Variants in AUTS2 observed in about 807,000 individuals in gnomAD.
AUTS2 encodes autism susceptibility gene 2 protein.
AUTS2 carries 17 observed loss-of-function variants against 112.4 expected under a neutral mutation model. The observed-to-expected ratio is 0.15, with a 90% CI of 0.10 to 0.23. The LOEUF (loss-of-function observed/expected upper bound fraction) is 0.23, where lower values mean the gene tolerates loss of function less well. Ranked by LOEUF, AUTS2 falls within the 10% of genes least tolerant of loss-of-function variation. The probability of loss-of-function intolerance (pLI) is 1.00; values close to 1 mark genes in which losing one functional copy is unlikely to be tolerated. For missense variants in AUTS2, 1,510 were observed against 1,701.6 expected, an observed-to-expected ratio of 0.89 and a Z score of 1.98; for synonymous variants, 751 against 702.7, an observed-to-expected ratio of 1.07 and a Z score of -1.09.
At chr7:70,267,375 C>G (rs908785246) in intron 4 of AUTS2, among the ~76,000 whole-genome samples, 23 of 151,524 alleles carry the variant, frequency 1.5e-4, no homozygotes, top group Non-Finnish European at 2.2e-4. Flanking sequence ...CTCCTGAATG[C>G]TGACACCAGA....
At chr7:70,413,641 A>G (rs1794868689) in intron 4 of AUTS2, among the ~76,000 whole-genome samples, 1 of 151,784 alleles carries the variant, frequency 6.6e-6, no homozygotes, top group Non-Finnish European at 1.5e-5. Context: ...TCCTCCTTAG[A>G]GTTACCTAAG....
intron 5 of AUTS2, among the ~76,000 whole-genome samples, chr7:70,629,043 C>T (rs1009739686): frequency 2.8e-4 from 42 of 152,102 alleles, no homozygotes; most frequent in Admixed American, 2.4e-3. Context: ...ATATCCATCG[C>T]GGGGCAGTCG....
intron 1 of AUTS2, among the ~76,000 whole-genome samples, chr7:69,814,028 A>G (rs1309939163): frequency 6.6e-6 from 1 of 152,226 alleles, no homozygotes; most frequent in South Asian, 2.1e-4. Context: ...CTTGCCAGCA[A>G]GTGTGGTATT....
chr7:69,740,215 G>A (rs1459215665), intron 1 of AUTS2, among the ~76,000 whole-genome samples: 4 of 151,358 alleles, frequency 2.6e-5, no homozygotes, highest in African/African-American at 7.4e-5. Flanking sequence ...TCGATGTTCT[G>A]TGGACATGAT....
chr7:70,611,494 C>T (rs1395340280), intron 5 of AUTS2, among the ~76,000 whole-genome samples: 4 of 152,162 alleles, frequency 2.6e-5, no homozygotes, highest in East Asian at 1.9e-4. Context: ...GGCTGCCTAC[C>T]GTGGGGCTTT....
rs28660526 is a variant in AUTS2 at position 70,781,840 on chromosome 7, G to A, written c.2146+84G>A. The A allele has an allele frequency of 3.8e-3, 5,770 of 1,524,032 alleles. 145 individuals are homozygous for A. In the African/African-American group the frequency reaches 0.062, roughly 16 times the overall value. 94.4% of individuals were successfully genotyped at this position (1,524,032 alleles called of 1,614,324 possible). On this transcript the variant is annotated intron_variant, in intron 15 of 18. Coordinates refer to ENST00000342771, the MANE Select transcript of AUTS2 (RefSeq NM_015570.4). ...ATAAATGAGGTTTGGGCTCTGAGCT[G>A]CCGCTCAGTCACCACCTACAAAAAT...
At chr7:70,418,752 G>A (rs1192796273) in intron 4 of AUTS2, among the ~76,000 whole-genome samples, 1 of 149,066 alleles carries the variant, frequency 6.7e-6, no homozygotes, top group Non-Finnish European at 1.5e-5. Flanking sequence ...ATATGTAATC[G>A]TTAAAGATCA....
chr7:70,595,984 C>T (rs993843333), intron 5 of AUTS2: 6 of 152,200 alleles, frequency 3.9e-5, no homozygotes, highest in Non-Finnish European at 8.8e-5. Context: ...TTTGCCTGCG[C>T]GCTTTGCCGC....
chr7:70,204,942 A>G (rs1810492464), intron 4 of AUTS2, among the ~76,000 whole-genome samples: 1 of 152,122 alleles, frequency 6.6e-6, no homozygotes, highest in Non-Finnish European at 1.5e-5. Flanking sequence ...TTTGGTCTAT[A>G]GGGAAAAAAA....
At chr7:70,208,723 T>C (rs1258997709) in intron 4 of AUTS2, among the ~76,000 whole-genome samples, 1 of 151,488 alleles carries the variant, frequency 6.6e-6, no homozygotes, top group East Asian at 1.9e-4. Flanking sequence ...AGATGGGTGG[T>C]GAGGATGTGA....
intron 6 of AUTS2, among the ~76,000 whole-genome samples, chr7:70,751,419 T>C (rs1788839447): frequency 6.6e-6 from 1 of 152,248 alleles, no homozygotes; most frequent in Non-Finnish European, 1.5e-5. Context: ...CTGGGAAGAC[T>C]ATCTTTTTAA....
intron 1 of AUTS2, among the ~76,000 whole-genome samples, chr7:69,615,543 T>A (rs577403077): frequency 6.6e-6 from 1 of 152,216 alleles, no homozygotes; most frequent in Non-Finnish European, 1.5e-5. Flanking sequence ...CCTCAGGTGA[T>A]CTGCCTGCCT....
chr7:69,914,485 A>G (rs187648203), intron 2 of AUTS2, among the ~76,000 whole-genome samples: 3 of 151,880 alleles, frequency 2.0e-5, no homozygotes, highest in Admixed American at 2.0e-4. Flanking sequence ...CGCATGCTGC[A>G]CACCAAGCAA....
At chr7:70,716,627 A>C (rs1810382185) in intron 6 of AUTS2, among the ~76,000 whole-genome samples, 1 of 108,842 alleles carries the variant, frequency 9.2e-6, no homozygotes, top group African/African-American at 3.7e-5. Context: ...ACAGAGCGAG[A>C]CTCCGTCTCA....
chr7:70,738,003 C>T (rs1282622281), intron 6 of AUTS2, among the ~76,000 whole-genome samples: 4 of 152,118 alleles, frequency 2.6e-5, no homozygotes, highest in African/African-American at 4.8e-5. Context: ...AAGGCTTGTA[C>T]GGAAGACATT....
At chr7:69,960,100 A>G (rs755974586) in intron 2 of AUTS2, among the ~76,000 whole-genome samples, 1 of 152,116 alleles carries the variant, frequency 6.6e-6, no homozygotes, top group Non-Finnish European at 1.5e-5. Context: ...GTCAGACTGC[A>G]TTTTCTCTTT....
chr7:70,413,709 AC>A, intron 4 of AUTS2, among the ~76,000 whole-genome samples: 1 of 151,844 alleles, frequency 6.6e-6, no homozygotes, highest in East Asian at 1.9e-4. Context: ...ACAGGGTCTC[AC>A]TTTGTCACCC....
intron 4 of AUTS2, among the ~76,000 whole-genome samples, chr7:70,150,627 G>A (rs893869079): frequency 6.6e-6 from 1 of 152,106 alleles, no homozygotes; most frequent in Admixed American, 6.6e-5. Context: ...AAGCTTTTCT[G>A]TGTTTAACTG....
intron 2 of AUTS2, among the ~76,000 whole-genome samples, chr7:69,914,166 A>C (rs1212218202): frequency 6.6e-6 from 1 of 151,942 alleles, no homozygotes. Flanking sequence ...TACTGAGGAG[A>C]GATATCACCT....
Sources: gnomAD v4.1 joint callset for allele counts (sites outside exome capture counted in the v4.1 genomes callset) on GRCh38, gnomAD v4.1.1 for gene constraint, MANE v1.5 for transcripts, NCBI Gene and HGNC (gene_info 2026-07-23, HGNC 2026-07-21) for gene names.